The following SLITRK4 variants were observed in gnomAD, a reference collection of about 807,000 sequenced individuals.
SLITRK4 encodes the protein SLIT and NTRK-like protein 4.
A neutral mutation model predicts 34.7 loss-of-function variants in SLITRK4; 7 were observed. That is an observed-to-expected ratio of 0.20 (90% confidence interval 0.11 to 0.38). The LOEUF is 0.38. Among genes scored for constraint, SLITRK4 ranks in the 10% least tolerant of loss-of-function variants. SLITRK4 has a pLI of 1.00. For missense variants in SLITRK4, 474 were observed against 607.0 expected (o/e 0.78, Z 2.30); for synonymous variants, 237 against 246.2 (o/e 0.96, Z 0.35).
In SLITRK4 at chrX:143,628,857, G is replaced by T; in HGVS notation, c.2252C>A (p.Pro751His). The change falls in exon 2 of 2, where the codon CCT (proline) becomes CAT (histidine). Residue 751 changes from proline (P) to histidine (H), a missense_variant. This residue lies in a region of SLITRK4 where 345 missense variants were observed against 406.5 expected (regional missense o/e 0.85). Coordinates refer to ENST00000356928, the MANE Select transcript of SLITRK4 (RefSeq NM_001184749.3). ...STIDELDELF[P>H]SRDSNVFIQN... ...AATAAACACATTGGAATCCCTGCTA[G>T]GGAATAATTCATCCAGCTCATCAAT... The T allele has an allele frequency of 8.3e-7, 1 of 1,211,326 alleles. No homozygotes were observed. The highest frequency in any genetic ancestry group is 1.1e-6 in the Non-Finnish European group (1 of 895,203).
rs1359464893 is a variant in SLITRK4, at chrX:143,628,468, A to C, written c.*127T>G. ...TTGACACATCTTTGCAGCTACAGTT[A>C]ATGAGACACCCTTGGAAACACCTGC... is the stretch of plus-strand genomic sequence containing the variant. On this transcript the variant is annotated 3_prime_UTR_variant, in exon 2 of 2. Transcript: ENST00000356928. 28 of 494,784 alleles carry C rather than the reference A, an allele frequency of 5.7e-5. No homozygotes were observed. The Admixed American group carries it at 8.8e-4, about 16-fold the overall frequency. The allele number at this position is 494,784 out of a possible 1,213,427, so 40.8% of individuals were successfully genotyped here. A position where few individuals can be genotyped will look rare whatever the true frequency, so the allele number is the denominator to read the frequency against.
chrX:143,624,069 TTC>T lies in SLITRK4; in HGVS notation c.*4524_*4525del, dbSNP rs201985213. 6 of 110,891 alleles carry T rather than the reference TTC, an allele frequency of 5.4e-5. No homozygotes were observed. Among genetic ancestry groups the T allele is most frequent in the Admixed American group, 9.6e-5 (1 of 10,439 alleles). The allele number at this position is 110,891 out of a possible 1,213,427, so 9.1% of individuals were successfully genotyped here. ...AAAGCAACAACAATCTTAATTTATA[TTC>T]TCTCTCTCTCTCTGTTTCTGTGTTT... is the stretch of plus-strand genomic sequence containing the variant. On this transcript the variant is annotated 3_prime_UTR_variant, in exon 2 of 2. Transcript: ENST00000356928.
At position 143,623,045 on chromosome X, in the gene SLITRK4, G is replaced by A. The variant is rs1481932479; in HGVS notation, c.*5550C>T. ...CTAGTATTTGTGAGGTGCCAACTAA[G>A]AGAAATATATTGTTCAGAAACTTGA... is the stretch of plus-strand genomic sequence containing the variant. On this transcript the variant is annotated 3_prime_UTR_variant, in exon 2 of 2. Coordinates refer to ENST00000356928, the MANE Select transcript of SLITRK4 (RefSeq NM_001184749.3). 2.7e-5 allele frequency: 3 copies of A among 110,541 alleles called. No homozygotes were observed. The highest frequency in any genetic ancestry group is 5.7e-5 in the Non-Finnish European group (3 of 52,723). The allele number at this position is 110,541 out of a possible 1,213,427, so 9.1% of individuals were successfully genotyped here.
In SLITRK4 at chrX:143,629,467, TCTC is replaced by T; in HGVS notation, c.1639_1641del (p.Glu547del). Reference sequence around the variant, plus strand: ...TTCACAACAATCCCGTCGCTCAACTTCTCCACCCACAGCTTTAATGCCACCAAG... The same window carrying T: ...TTCACAACAATCCCGTCGCTCAACTTCACCCACAGCTTTAATGCCACCAAG... On this transcript the variant is annotated inframe_deletion, in exon 2 of 2. Transcript: ENST00000356928. The T allele has an allele frequency of 8.3e-7, 1 of 1,211,515 alleles. No homozygotes were observed. Among genetic ancestry groups the T allele is most frequent in the Non-Finnish European group, 1.1e-6 (1 of 895,470 alleles).
At position 143,628,829 on chromosome X, in the gene SLITRK4, C is replaced by G; in HGVS notation, c.2280G>C (p.Gln760His). Reference sequence around the variant, plus strand: ...ACTCCTTTTTGCTTTCAAGAAAATTCTGAATAAACACATTGGAATCCCTGC... The same window carrying G: ...ACTCCTTTTTGCTTTCAAGAAAATTGTGAATAAACACATTGGAATCCCTGC... The part of the protein sequence containing the change: ...FPSRDSNVFI[Q>H]NFLESKKEYN... Residue 760 changes from glutamine (Q) to histidine (H), a missense_variant, in exon 2 of 2, where the codon CAG (glutamine) becomes CAC (histidine). This residue lies in a region of SLITRK4 where 345 missense variants were observed against 406.5 expected (regional missense o/e 0.85). Coordinates refer to ENST00000356928, the MANE Select transcript of SLITRK4 (RefSeq NM_001184749.3). The G allele has an allele frequency of 8.3e-7, 1 of 1,210,996 alleles. No homozygotes were observed. Among genetic ancestry groups the G allele is most frequent in the Non-Finnish European group, 1.1e-6 (1 of 895,227 alleles).
intron 1 of SLITRK4, chrX:143,634,991 C>G (rs1184357981): frequency 1.8e-5 from 2 of 109,088 alleles, no homozygotes; most frequent in African/African-American, 6.7e-5. Context: ...GCTCGCCCGT[C>G]AAACCCACGG....
chrX:143,632,658 C>T (rs1931078360), intron 1 of SLITRK4, among the ~76,000 whole-genome samples: 1 of 111,645 alleles, frequency 9.0e-6, no homozygotes, highest in Non-Finnish European at 1.9e-5. Context: ...AGGTAGACAA[C>T]CCATTAGCCA....
Position 143,625,682 on chromosome X carries a change from TAC to T in SLITRK4, c.*2911_*2912del, listed in dbSNP as rs1330927306. The T allele has an allele frequency of 9.0e-6, 1 of 111,604 alleles. No homozygotes were observed. The highest frequency in any genetic ancestry group is 1.9e-5 in the Non-Finnish European group (1 of 52,828). 9.2% of individuals were successfully genotyped at this position (111,604 alleles called of 1,213,427 possible). A position where few individuals can be genotyped will look rare whatever the true frequency, so the allele number is the denominator to read the frequency against. On this transcript the variant is annotated 3_prime_UTR_variant, in exon 2 of 2. Coordinates refer to ENST00000356928, the MANE Select transcript of SLITRK4 (RefSeq NM_001184749.3). ...ATAGTTGAAGCCAACAAAATGTAGA[TAC>T]AGTATTTTAACTGTTCTTGTACTCA...
rs1205565685 is a variant in SLITRK4 at position 143,627,237 on chromosome X, T to C, written c.*1358A>G. ...GATGAAAGAACAGGATACTGATGCA[T>C]ACAAGATATAACTATTAACCTTATT... is the stretch of plus-strand genomic sequence containing the variant. On this transcript the variant is annotated 3_prime_UTR_variant, in exon 2 of 2. Coordinates refer to ENST00000356928, the MANE Select transcript of SLITRK4 (RefSeq NM_001184749.3). 1 of 109,284 alleles carries C rather than the reference T, an allele frequency of 9.2e-6. No individual in the cohort carries two copies. Among genetic ancestry groups the C allele is most frequent in the Non-Finnish European group, 1.9e-5 (1 of 52,532 alleles). The allele number at this position is 109,284 out of a possible 1,213,427, so 9.0% of individuals were successfully genotyped here.
chrX:143,633,856 TCCCTGTTCCCGGAGCCGGCCGCTCAGC>T (rs1170526902), intron 1 of SLITRK4, among the ~76,000 whole-genome samples: 1 of 112,485 alleles, frequency 8.9e-6, no homozygotes, highest in Non-Finnish European at 1.9e-5. Flanking sequence ...TTTTGCCGCA[TCCCTGTTCCCGGAGCCGGCCGCTCAGC>T]CCCCTCCGCG....
rs1032916680 is a variant in SLITRK4, at chrX:143,625,760, A to G, written c.*2835T>C. 2.7e-5 allele frequency: 3 copies of G among 111,881 alleles called. No individual in the cohort carries two copies. Among genetic ancestry groups the G allele is most frequent in the Admixed American group, 9.5e-5 (1 of 10,535 alleles). The allele number at this position is 111,881 out of a possible 1,213,427, so 9.2% of individuals were successfully genotyped here. ...TATCATAAAATGTACAACTAGAACT[A>G]ATGAGAGACAGGTGCAAAATTGTAT... On this transcript the variant is annotated 3_prime_UTR_variant, in exon 2 of 2. Coordinates refer to ENST00000356928, the MANE Select transcript of SLITRK4 (RefSeq NM_001184749.3).
chrX:143,631,303 C>G, intron 1 of SLITRK4, 145 bp from the exon 2 acceptor site: 2 of 368,601 alleles, frequency 5.4e-6, no homozygotes, highest in Non-Finnish European at 9.2e-6. Context: ...CTCACTCAGT[C>G]GAACAATAAT....
At chrX:143,631,607 C>T (rs782303173) in intron 1 of SLITRK4, among the ~76,000 whole-genome samples, 6 of 108,714 alleles carry the variant, frequency 5.5e-5, no homozygotes, top group African/African-American at 1.7e-4. Context: ...GATAGAGAGG[C>T]TGAATTAAAA....
rs1351525246 is a variant in SLITRK4 at position 143,629,178 on chromosome X, C to A, written c.1931G>T (p.Arg644Leu). 3 of 1,209,227 alleles carry A rather than the reference C, an allele frequency of 2.5e-6. No individual in the cohort carries two copies. The highest frequency in any genetic ancestry group is 3.4e-6 in the Non-Finnish European group (3 of 895,147). Residue 644 changes from arginine (R) to leucine (L), a missense_variant, in exon 2 of 2, where the codon CGA becomes CTA. Physicochemically the swap from Arg to Leu is moderately radical, Grantham distance 102. Around this residue, in one of 3 missense-constraint regions of SLITRK4, gnomAD observed 345 missense variants for 406.5 expected, o/e 0.85. Coordinates refer to ENST00000356928, the MANE Select transcript of SLITRK4 (RefSeq NM_001184749.3). The stretch of plus-strand genomic sequence containing the variant: ...CTTCACTGTGGGTTTCTTGTTGCGT[C>A]GCAGGACAAAAACAAGAAGGCAAAA... ...VAFCLLVFVL[R>L]RNKKPTVKHE...
rs1281792095 is a variant in SLITRK4 at position 143,626,531 on chromosome X, G to GACAC, written c.*2060_*2063dup. On this transcript the variant is annotated 3_prime_UTR_variant, in exon 2 of 2. Coordinates refer to ENST00000356928, the MANE Select transcript of SLITRK4 (RefSeq NM_001184749.3). ...ACATATATATATATACACACACTCA[G>GACAC]ACACACACACACATACACACACACC... 1.9e-5 allele frequency: 2 copies of GACAC among 106,758 alleles called. No individual in the cohort carries two copies. Among genetic ancestry groups the GACAC allele is most frequent in the African/African-American group, 6.7e-5 (2 of 29,648 alleles). The allele number at this position is 106,758 out of a possible 1,213,427, so 8.8% of individuals were successfully genotyped here. A position where few individuals can be genotyped will look rare whatever the true frequency, so the allele number is the denominator to read the frequency against.
chrX:143,635,481 A>AACACACACACACACACACACACAC (rs782006427), intron 1 of SLITRK4, among the ~76,000 whole-genome samples: 2 of 55,240 alleles, frequency 3.6e-5, no homozygotes, highest in Non-Finnish European at 6.9e-5. Flanking sequence ...ATAACGAAGG[A>AACACACACACACACACACACACAC]ACACACACAC....
rs371565720 is a variant in SLITRK4 at position 143,631,118 on chromosome X, A to G, written c.-10T>C. The G allele has an allele frequency of 8.9e-7, 1 of 1,124,680 alleles. No individual in the cohort carries two copies. 92.7% of individuals were successfully genotyped at this position (1,124,680 alleles called of 1,213,427 possible). On this transcript the variant is annotated 5_prime_UTR_variant, in exon 2 of 2. Coordinates refer to ENST00000356928, the MANE Select transcript of SLITRK4 (RefSeq NM_001184749.3). ...ACAGCCACAGAAACATCTTCTTGCA[A>G]TCAGCAAACAACTGTATGCTTCTGA...
In SLITRK4 at chrX:143,630,779, C is replaced by T; in HGVS notation, c.330G>A (p.Lys110=). The change falls in exon 2 of 2, where the codon AAG becomes AAA. Residue 110 remains lysine (K), a synonymous_variant. Coordinates refer to ENST00000356928, the MANE Select transcript of SLITRK4 (RefSeq NM_001184749.3). ...GGAFLGLSAL[K]QLHLNNNELK... ...ATTCATTGTTGTTCAAGTGCAACTG[C>T]TTTAATGCACTGAGCCCAAGAAAGG... 3 of 1,211,585 alleles carry T rather than the reference C, an allele frequency of 2.5e-6. No individual in the cohort carries two copies. Among genetic ancestry groups the T allele is most frequent in the Non-Finnish European group, 3.4e-6 (3 of 895,330 alleles).
chrX:143,635,157 C>T (rs1300254092), intron 1 of SLITRK4: 10 of 83,431 alleles, frequency 1.2e-4, no homozygotes, highest in African/African-American at 4.4e-4. Context: ...TCCACCACCC[C>T]CCCCCACCCC....
Sources: gnomAD v4.1 joint callset for allele counts (sites outside exome capture counted in the v4.1 genomes callset) on GRCh38, gnomAD v4.1.1 for gene constraint, gnomAD v4.1.1 regional missense constraint, MANE v1.5 for transcripts, NCBI Gene and HGNC (gene_info 2026-07-23, HGNC 2026-07-21) for gene names.